The following TG variants were observed in gnomAD, a reference collection of about 807,000 sequenced individuals.
The protein encoded by TG is thyroid hormones.
Under a neutral mutation model 324.7 loss-of-function variants are expected in TG, and 270 were observed. The observed-to-expected ratio is 0.83, with a 90% CI of 0.75 to 0.92. The LOEUF is 0.92. Ranked by LOEUF, TG falls within the 40% of genes least tolerant of loss-of-function variation. The pLI is 0.00. For synonymous variants in TG, 1,401 were observed against 1,327.0 expected, an observed-to-expected ratio of 1.06 and a Z score of -1.21; for missense variants, 3,591 against 3,456.4, an observed-to-expected ratio of 1.04 and a Z score of -0.98.
chr8:132,999,794 T>C (rs921658842), intron 35 of TG, among the ~76,000 whole-genome samples: 1 of 152,236 alleles, frequency 6.6e-6, no homozygotes, highest in African/African-American at 2.4e-5. Context: ...ATATTTACTA[T>C]CTTCTCAGTG....
intron 41 of TG, chr8:133,074,868 A>T (rs1196562044): frequency 3.1e-5 from 31 of 985,458 alleles, no homozygotes; most frequent in Non-Finnish European, 3.6e-5. Context: ...CACACTGGGC[A>T]TGACTCCTGT....
At chr8:133,102,920 G>T in intron 43 of TG, 1 of 290,406 alleles carries the variant, frequency 3.4e-6, no homozygotes, top group Non-Finnish European at 6.8e-6. Context: ...AGTAGGGGGA[G>T]GGCAGCCCAT....
intron 32 of TG, 79 bp from the exon 33 acceptor site, chr8:132,971,715 T>G (rs1829543669): frequency 1.0e-6 from 1 of 996,766 alleles, no homozygotes; most frequent in African/African-American, 1.6e-5. Flanking sequence ...AAAGCAAGAA[T>G]GACTACCATC....
chr8:132,935,231 C>T (rs2129735343), intron 24 of TG, among the ~76,000 whole-genome samples: 1 of 152,026 alleles, frequency 6.6e-6, no homozygotes, highest in African/African-American at 2.4e-5. Context: ...ACCTCCGCCT[C>T]CCAGGTTCAG....
intron 4 of TG, among the ~76,000 whole-genome samples, chr8:132,872,479 A>G (rs1468478448): frequency 3.0e-5 from 1 of 33,550 alleles, no homozygotes; most frequent in Non-Finnish European, 6.6e-5. Flanking sequence ...CTCCGTCTCA[A>G]AAAAAAAAAA....
intron 31 of TG, among the ~76,000 whole-genome samples, chr8:132,969,074 A>G (rs1829077295): frequency 6.7e-6 from 1 of 149,554 alleles, no homozygotes; most frequent in South Asian, 2.1e-4. Context: ...TCCAGCCAGT[A>G]CTTCTGTTTG....
At chr8:132,952,459 C>T (rs551296318) in intron 27 of TG, among the ~76,000 whole-genome samples, 27 of 152,158 alleles carry the variant, frequency 1.8e-4, no homozygotes, top group Non-Finnish European at 3.1e-4. Context: ...CCCAGGCTGT[C>T]GAAGAATGCC....
chr8:133,035,200 C>T (rs1008013460), intron 41 of TG, among the ~76,000 whole-genome samples: 1 of 152,156 alleles, frequency 6.6e-6, no homozygotes, highest in Admixed American at 6.5e-5. Context: ...ATCAGCTACA[C>T]CCATGAAATT....
At chr8:132,983,490 T>G (rs1379116977) in intron 35 of TG, 78 bp downstream of exon 35, 2 of 1,409,372 alleles carry the variant, frequency 1.4e-6, no homozygotes, top group South Asian at 1.1e-5. Flanking sequence ...CCCTTGCTTT[T>G]GTACAGAAGT....
chr8:132,978,038 C>T (rs1259817893), intron 34 of TG, among the ~76,000 whole-genome samples: 4 of 152,208 alleles, frequency 2.6e-5, no homozygotes, highest in Admixed American at 2.6e-4. Context: ...ATCCATTTTG[C>T]ATTGCTATAA....
chr8:132,943,700 C>A lies in TG; in HGVS notation c.5233+2158C>A, dbSNP rs1441879905. The stretch of plus-strand genomic sequence containing the variant: ...CCTTTCCGGTTGCTCTCCTTCTCTA[C>A]CACAGCCAGACCCTGCAAGCTGAGA... On this transcript the variant is annotated intron_variant, in intron 26 of 47. Transcript: ENST00000220616. Among the ~76,000 whole-genome samples, 3 of 152,130 alleles carry A rather than the reference C, an allele frequency of 2.0e-5. No homozygotes were observed. In the East Asian group the frequency reaches 5.8e-4, roughly 29 times the overall value.
chr8:133,021,875 G>A (rs934860818), intron 39 of TG, 116 bp from the exon 40 acceptor site: 8 of 1,302,186 alleles, frequency 6.1e-6, no homozygotes, highest in Non-Finnish European at 8.8e-6. Flanking sequence ...ACTGCATGGG[G>A]CTAAGTATGC....
At chr8:133,039,995 C>T (rs1587837882) in intron 41 of TG, 2 of 1,550,468 alleles carry the variant, frequency 1.3e-6, no homozygotes, top group Non-Finnish European at 8.7e-7. Flanking sequence ...ACACCATACT[C>T]ACCTGGACAC....
intron 43 of TG, among the ~76,000 whole-genome samples, chr8:133,097,579 A>T (rs929890769): frequency 6.6e-5 from 10 of 152,264 alleles, no homozygotes; most frequent in African/African-American, 1.4e-4. Context: ...ATGTGAAATT[A>T]AGATAGCATT....
At chr8:132,948,724 C>T in intron 26 of TG, 52 bp from the exon 27 acceptor site, 1 of 1,596,690 alleles carries the variant, frequency 6.3e-7, no homozygotes, top group Non-Finnish European at 8.6e-7. Flanking sequence ...AGAAGAGTCT[C>T]TAAAGGTCCC....
At chr8:133,084,808 G>C (rs1846279427) in intron 41 of TG, among the ~76,000 whole-genome samples, 1 of 152,230 alleles carries the variant, frequency 6.6e-6, no homozygotes, top group African/African-American at 2.4e-5. Flanking sequence ...AAGGGGGACA[G>C]TTCTACAGCT....
At chr8:132,873,293 G>A in intron 5 of TG, 72 bp downstream of exon 5, 1 of 1,572,624 alleles carries the variant, frequency 6.4e-7, no homozygotes, top group Non-Finnish European at 8.7e-7. Flanking sequence ...TGAGCTGGGG[G>A]CCTCCATGTG....
At chr8:133,107,226 T>C (rs1271422116) in intron 43 of TG, among the ~76,000 whole-genome samples, 1 of 152,186 alleles carries the variant, frequency 6.6e-6, no homozygotes, top group Non-Finnish European at 1.5e-5. Flanking sequence ...TAGAGCTAGA[T>C]TTGAACCTGA....
chr8:132,900,104 C>A, intron 14 of TG, 133 bp from the exon 15 acceptor site: 1 of 744,920 alleles, frequency 1.3e-6, no homozygotes, highest in South Asian at 1.5e-5. Flanking sequence ...CCTCTCCCCA[C>A]CTCCACATCT....
Sources: allele counts gnomAD v4.1 joint callset (sites outside exome capture counted in the v4.1 genomes callset), GRCh38; gene constraint gnomAD v4.1.1; transcripts MANE v1.5; gene names NCBI Gene and HGNC (gene_info 2026-07-23, HGNC 2026-07-21).